The following BACH2 variants were observed in gnomAD, a reference collection of about 807,000 sequenced individuals.
BACH2 encodes the protein BACH transcriptional regulator 2, also known as transcription regulator protein BACH2.
A neutral mutation model predicts 61.8 loss-of-function variants in BACH2; 5 were observed. The observed-to-expected ratio is 0.08, with a 90% confidence interval of 0.04 to 0.17. The LOEUF (loss-of-function observed/expected upper bound fraction) is 0.17, where lower values mean the gene tolerates loss of function less well. Ranked by LOEUF, BACH2 falls within the 10% of genes least tolerant of loss-of-function variation. The pLI is 1.00. For missense variants in BACH2, 824 were observed against 1,091.1 expected (o/e 0.76, Z 3.45); for synonymous variants, 446 against 440.1 (o/e 1.01, Z -0.17).
intron 2 of BACH2, among the ~76,000 whole-genome samples, chr6:90,266,587 T>C (rs779741836): frequency 9.7e-4 from 147 of 152,158 alleles, no homozygotes; most frequent in Non-Finnish European, 1.1e-3. Context: ...AGGAATGAAG[T>C]ACTGATACAC....
chr6:89,978,633 T>TAAAAAAAAAAA (rs753724278), intron 6 of BACH2, among the ~76,000 whole-genome samples: 10 of 86,034 alleles, frequency 1.2e-4, no homozygotes, highest in African/African-American at 2.2e-4. Context: ...GTGTTGGCTT[T>TAAAAAAAAAAA]AAAAAAAAAA....
At chr6:90,222,891 C>T (rs1350372431) in intron 3 of BACH2, among the ~76,000 whole-genome samples, 4 of 152,068 alleles carry the variant, frequency 2.6e-5, no homozygotes, top group Non-Finnish European at 5.9e-5. Context: ...TCCTCTGTCA[C>T]CTGCTCTCAA....
intron 5 of BACH2, among the ~76,000 whole-genome samples, chr6:90,038,772 C>T (rs1290840641): frequency 1.3e-5 from 2 of 152,082 alleles, no homozygotes; most frequent in Non-Finnish European, 2.9e-5. Context: ...GGCATGGTGG[C>T]TCACACTTGT....
At chr6:90,247,949 C>G (rs1056696099) in intron 3 of BACH2, among the ~76,000 whole-genome samples, 1 of 152,208 alleles carries the variant, frequency 6.6e-6, no homozygotes, top group Admixed American at 6.5e-5. Context: ...ATTAATTTTA[C>G]TCTCTTATAT....
rs372774845 is a variant in BACH2 at position 90,128,823 on chromosome 6, C to A, written c.-161-39714G>T. 3.9e-5 allele frequency among the ~76,000 whole-genome samples: 6 copies of A among 152,258 alleles called. No individual in the cohort carries two copies. In the East Asian group the frequency reaches 7.7e-4, roughly 20 times the overall value. On this transcript the variant is annotated intron_variant, in intron 4 of 8. Transcript: ENST00000257749. ...ACTTTGAACCAACCCAAATGTCCAA[C>A]AATGGTAGACTGGATTAAGAAAATG... is the stretch of plus-strand genomic sequence containing the variant.
chr6:90,034,618 C>G (rs1779174052), intron 5 of BACH2, among the ~76,000 whole-genome samples: 1 of 152,098 alleles, frequency 6.6e-6, no homozygotes, highest in Non-Finnish European at 1.5e-5. Context: ...AATAAAGTAT[C>G]AGGAAAGATA....
At chr6:90,132,711 G>A (rs1412277498) in intron 4 of BACH2, among the ~76,000 whole-genome samples, 1 of 152,156 alleles carries the variant, frequency 6.6e-6, no homozygotes, top group Admixed American at 6.5e-5. Context: ...CCACCATTAA[G>A]CCACTGTAAT....
intron 1 of BACH2, among the ~76,000 whole-genome samples, chr6:90,274,692 C>G (rs762425168): frequency 7.2e-5 from 11 of 152,298 alleles, no homozygotes; most frequent in Non-Finnish European, 1.2e-4. Flanking sequence ...AAAAGTATAT[C>G]AGAAGCATCA....
intron 3 of BACH2, among the ~76,000 whole-genome samples, chr6:90,225,764 TTAAA>T (rs1582507049): frequency 6.6e-6 from 1 of 152,238 alleles, no homozygotes; most frequent in Non-Finnish European, 1.5e-5. Context: ...ATCCTGGAAC[TTAAA>T]TAAATAAAAA....
intron 6 of BACH2, among the ~76,000 whole-genome samples, chr6:89,959,097 G>GCGCACA (rs1554220437): frequency 2.2e-5 from 3 of 134,404 alleles, no homozygotes; most frequent in Non-Finnish European, 3.1e-5. Flanking sequence ...ATGCACAAGT[G>GCGCACA]CACACACACA....
At chr6:89,976,602 T>C (rs1775666079) in intron 6 of BACH2, among the ~76,000 whole-genome samples, 1 of 152,240 alleles carries the variant, frequency 6.6e-6, no homozygotes, top group South Asian at 2.1e-4. Flanking sequence ...TTTGAATGAC[T>C]GTTCCTTCAA....
intron 7 of BACH2, among the ~76,000 whole-genome samples, chr6:89,946,937 C>T (rs201634890): frequency 2.0e-3 from 306 of 152,290 alleles, no homozygotes; most frequent in African/African-American, 7.0e-3. Context: ...GAGAAGCCAA[C>T]GACTGTGAGA....
At chr6:90,291,997 G>A (rs1015271094) in intron 1 of BACH2, among the ~76,000 whole-genome samples, 3 of 152,158 alleles carry the variant, frequency 2.0e-5, no homozygotes, top group South Asian at 2.1e-4. Context: ...GATTTACAGC[G>A]TCTGCTATCT....
chr6:90,245,801 G>T (rs1366377957), intron 3 of BACH2, among the ~76,000 whole-genome samples: 1 of 152,160 alleles, frequency 6.6e-6, no homozygotes, highest in Non-Finnish European at 1.5e-5. Context: ...TGAATTTAAA[G>T]ATTTTTCATA....
At chr6:90,210,019 G>T (rs1769288529) in intron 3 of BACH2, among the ~76,000 whole-genome samples, 1 of 152,088 alleles carries the variant, frequency 6.6e-6, no homozygotes, top group Admixed American at 6.6e-5. Flanking sequence ...ACCTCTTAAT[G>T]CCAGGGTTGT....
chr6:89,965,362 T>G (rs1461053042), intron 6 of BACH2, among the ~76,000 whole-genome samples: 1 of 152,246 alleles, frequency 6.6e-6, no homozygotes, highest in Non-Finnish European at 1.5e-5. Flanking sequence ...ATTTTTACAT[T>G]ACTCCTGCTT....
At chr6:90,136,167 T>G (rs996371757) in intron 4 of BACH2, among the ~76,000 whole-genome samples, 2 of 152,218 alleles carry the variant, frequency 1.3e-5, no homozygotes, top group African/African-American at 4.8e-5. Context: ...CTGCGCTGTT[T>G]TGTTGTTGCT....
At chr6:90,099,038 T>C (rs934139275) in intron 4 of BACH2, among the ~76,000 whole-genome samples, 44 of 152,338 alleles carry the variant, frequency 2.9e-4, no homozygotes, top group African/African-American at 1.0e-3. Context: ...GAACTTTTGT[T>C]TTAAAAATTA....
intron 4 of BACH2, among the ~76,000 whole-genome samples, chr6:90,138,935 TA>T (rs1431258608): frequency 6.6e-6 from 1 of 152,202 alleles, no homozygotes; most frequent in Non-Finnish European, 1.5e-5. Context: ...GGGGTGAAGT[TA>T]AACCTGCGGG....
Sources: gnomAD v4.1 joint callset for allele counts (sites outside exome capture counted in the v4.1 genomes callset) on GRCh38, gnomAD v4.1.1 for gene constraint, MANE v1.5 for transcripts, NCBI Gene and HGNC (gene_info 2026-07-23, HGNC 2026-07-21) for gene names.